The following TTC17 variants were observed in gnomAD, a reference collection of about 807,000 sequenced individuals.
TTC17 encodes tetratricopeptide repeat domain 17, also known as tetratricopeptide repeat protein 17.
A neutral mutation model predicts 143.8 loss-of-function variants in TTC17; 58 were observed. The observed-to-expected ratio is 0.40, with a 90% CI of 0.33 to 0.50. The LOEUF is 0.50. Among genes scored for constraint, TTC17 ranks in the 20% least tolerant of loss-of-function variants. TTC17 has a pLI of 0.49. For missense variants in TTC17, 1,273 were observed against 1,392.5 expected (o/e 0.91, Z 1.37); for synonymous variants, 501 against 497.8 (o/e 1.01, Z -0.09).
chr11:43,384,916 G>A (rs1481533357), intron 2 of TTC17, among the ~76,000 whole-genome samples: 1 of 152,194 alleles, frequency 6.6e-6, no homozygotes, highest in Non-Finnish European at 1.5e-5. Context: ...GTAAAGAACA[G>A]TGGGCCTGTC....
At chr11:43,435,699 A>C (rs984177520) in intron 16 of TTC17, among the ~76,000 whole-genome samples, 1 of 152,118 alleles carries the variant, frequency 6.6e-6, no homozygotes, top group African/African-American at 2.4e-5. Flanking sequence ...TTGGCTTTTA[A>C]TTTTTAATAA....
chr11:43,385,563 T>A (rs1401472198), intron 2 of TTC17: 2 of 152,062 alleles, frequency 1.3e-5, no homozygotes, highest in African/African-American at 4.8e-5. Context: ...TATATTTAGA[T>A]ATGAATTTAT....
rs148644308 is a variant in TTC17, at chr11:43,475,160, C to T, written c.3031-15079C>T. On this transcript the variant is annotated intron_variant, in intron 21 of 23. Transcript: ENST00000039989. ...GACTATACATCCCTAATGAGATTTA[C>T]CCTAAGAACCAAAGGAAACCTTGTA... Among the ~76,000 whole-genome samples the T allele has an allele frequency of 7.8e-3, 1,180 of 152,242 alleles. 10 individuals carry two copies. The highest frequency in any genetic ancestry group is 0.013 in the Non-Finnish European group (915 of 68,010).
chr11:43,371,741 C>A (rs1418650631), intron 1 of TTC17, among the ~76,000 whole-genome samples: 3 of 152,160 alleles, frequency 2.0e-5, no homozygotes, highest in African/African-American at 7.2e-5. Flanking sequence ...CTGAAACTAC[C>A]TAGGAGCTGC....
At chr11:43,396,882 C>A in intron 6 of TTC17, 64 bp downstream of exon 6, 2 of 937,084 alleles carry the variant, frequency 2.1e-6, no homozygotes, top group African/African-American at 1.7e-5. Context: ...AGAAACAATA[C>A]ATAAGAAAGC....
chr11:43,364,312 C>T (rs1404249496), intron 1 of TTC17, among the ~76,000 whole-genome samples: 1 of 152,092 alleles, frequency 6.6e-6, no homozygotes, highest in Non-Finnish European at 1.5e-5. Context: ...CTGCCTTGGC[C>T]TCCCAAAGTG....
At chr11:43,490,041 C>T in intron 21 of TTC17, 198 bp from the exon 22 acceptor site, 3 of 532,556 alleles carry the variant, frequency 5.6e-6, no homozygotes, top group Non-Finnish European at 8.9e-6. Flanking sequence ...TATAGAAGGG[C>T]TGTAATAGTA....
Position 43,391,875 on chromosome 11 carries a change from A to T in TTC17, c.586A>T (p.Ile196Phe). The T allele has an allele frequency of 6.2e-7, 1 of 1,614,016 alleles. No individual in the cohort carries two copies. Among genetic ancestry groups the T allele is most frequent in the Non-Finnish European group, 8.5e-7 (1 of 1,179,976 alleles). Reference sequence around the variant, plus strand: ...ACCTCTGCTACCTAAAGAAGACCCAATCTTCACATATTTATCTAAACGGTT... The same window carrying T: ...ACCTCTGCTACCTAAAGAAGACCCATTCTTCACATATTTATCTAAACGGTT... ...SAPLLPKEDP[I>F]FTYLSKRLGR... Residue 196 changes from isoleucine (I) to phenylalanine (F), a missense_variant, in exon 5 of 24, where the codon ATC (isoleucine) becomes TTC (phenylalanine). Ile to Phe is a conservative substitution (Grantham distance 21). Transcript: ENST00000039989.
chr11:43,480,251 TG>T (rs1467365382), intron 21 of TTC17, among the ~76,000 whole-genome samples: 1 of 152,202 alleles, frequency 6.6e-6, no homozygotes, highest in Non-Finnish European at 1.5e-5. Flanking sequence ...ACTTTTTAAA[TG>T]GTTGGGATAA....
At chr11:43,475,541 G>T (rs529266059) in intron 21 of TTC17, among the ~76,000 whole-genome samples, 1 of 152,176 alleles carries the variant, frequency 6.6e-6, no homozygotes, top group Non-Finnish European at 1.5e-5. Flanking sequence ...TCCCTGTGTT[G>T]CCCAGGTTCC....
At chr11:43,397,325 G>C in intron 6 of TTC17, 22 bp from the exon 7 acceptor site, 1 of 1,596,302 alleles carries the variant, frequency 6.3e-7, no homozygotes, top group Non-Finnish European at 8.5e-7. Context: ...CATAATCATG[G>C]AATATGTGCT....
At chr11:43,405,378 ATAT>A in intron 11 of TTC17, 133 bp from the exon 12 acceptor site, 1 of 686,366 alleles carries the variant, frequency 1.5e-6, no homozygotes, top group Non-Finnish European at 2.5e-6. Context: ...AGTAGCAGGA[ATAT>A]TATAGAGTCT....
In TTC17 at chr11:43,414,796, T is replaced by G. The variant is rs375379702; in HGVS notation, c.2251+20T>G. On this transcript the variant is annotated intron_variant, in intron 16 of 23. Coordinates refer to ENST00000039989, the MANE Select transcript of TTC17 (RefSeq NM_018259.6). ...GCAGTGGTAAGCAGCTTTCAAATGC[T>G]GACAAACTAATGAGCTCAGCCAGAG... 25 of 1,606,144 alleles carry G rather than the reference T, an allele frequency of 1.6e-5. No individual in the cohort carries two copies. The African/African-American group carries it at 2.8e-4, about 18-fold the overall frequency.
chr11:43,477,380 G>A (rs1220589561), intron 21 of TTC17, among the ~76,000 whole-genome samples: 46 of 152,124 alleles, frequency 3.0e-4, no homozygotes, highest in Admixed American at 2.9e-3. Flanking sequence ...GCCCCACTCT[G>A]CTAGTACCAA....
In TTC17 at chr11:43,465,485, GA is replaced by G. The variant is rs376319197; in HGVS notation, c.3030+14223del. 3.3e-3 allele frequency among the ~76,000 whole-genome samples: 501 copies of G among 152,220 alleles called. 2 individuals carry two copies. Among genetic ancestry groups the G allele is most frequent in the African/African-American group, 0.011 (466 of 41,528 alleles). ...AGACAGGGAGAAAATAAATAAAAGGGAAATTTCCCCCCAGATAATTGGAACT... is the reference window on the plus strand; with the variant it reads ...AGACAGGGAGAAAATAAATAAAAGGGAATTTCCCCCCAGATAATTGGAACT... On this transcript the variant is annotated intron_variant, in intron 21 of 23. Transcript: ENST00000039989.
chr11:43,471,130 C>T (rs971704719), intron 21 of TTC17, among the ~76,000 whole-genome samples: 3 of 152,296 alleles, frequency 2.0e-5, no homozygotes, highest in Admixed American at 6.5e-5. Context: ...ATTCAGGACG[C>T]GACTCAGGCT....
chr11:43,426,214 C>A (rs187488512), intron 16 of TTC17, among the ~76,000 whole-genome samples: 30 of 152,350 alleles, frequency 2.0e-4, no homozygotes, highest in African/African-American at 7.0e-4. Flanking sequence ...CACCACCCCT[C>A]TCACAGTACA....
intron 21 of TTC17, among the ~76,000 whole-genome samples, chr11:43,481,012 CA>C (rs1182342802): frequency 2.0e-5 from 3 of 150,224 alleles, no homozygotes; most frequent in Non-Finnish European, 3.0e-5. Context: ...ACATCTAAAA[CA>C]AAAAAGTTGG....
At position 43,413,234 on chromosome 11, in the gene TTC17, A is replaced by G. The variant is rs553926446; in HGVS notation, c.2065-1356A>G. ...GTACCTGTAGTTCAGTGAGGAAAAA[A>G]CATTTTGGTTTTTCAGTAAGTTAGT... On this transcript the variant is annotated intron_variant, in intron 15 of 23. Coordinates refer to ENST00000039989, the MANE Select transcript of TTC17 (RefSeq NM_018259.6). 2.6e-5 allele frequency among the ~76,000 whole-genome samples: 4 copies of G among 152,308 alleles called. No individual in the cohort carries two copies. The South Asian group carries it at 8.3e-4, about 32-fold the overall frequency.
Sources: allele counts gnomAD v4.1 joint callset (sites outside exome capture counted in the v4.1 genomes callset), GRCh38; gene constraint gnomAD v4.1.1; transcripts MANE v1.5; gene names NCBI Gene and HGNC (gene_info 2026-07-23, HGNC 2026-07-21).